Variants in RYR3 observed in about 807,000 individuals in gnomAD.
RYR3 encodes the protein brain ryanodine receptor-calcium release channel.
Under a neutral mutation model 584.3 loss-of-function variants are expected in RYR3, and 207 were observed. The observed-to-expected ratio is 0.35, with a 90% confidence interval of 0.32 to 0.40. RYR3 has a LOEUF of 0.40. Among genes scored for constraint, RYR3 ranks in the 10% least tolerant of loss-of-function variants. The pLI, the probability that RYR3 is intolerant of heterozygous loss-of-function variation, is 1.00. For missense variants in RYR3, 5,616 were observed against 6,089.2 expected, an observed-to-expected ratio of 0.92 and a Z score of 2.59; for synonymous variants, 2,416 against 2,248.5, an observed-to-expected ratio of 1.07 and a Z score of -2.11.
At chr15:33,399,309 G>A (rs2042487714) in intron 1 of RYR3, among the ~76,000 whole-genome samples, 1 of 152,156 alleles carries the variant, frequency 6.6e-6, no homozygotes, top group African/African-American at 2.4e-5. Context: ...TAGACTCGCT[G>A]AGCCAGAACC....
At chr15:33,748,074 G>T (rs746688387) in intron 53 of RYR3, 40 bp from the exon 54 acceptor site, 1 of 1,606,104 alleles carries the variant, frequency 6.2e-7, no homozygotes, top group African/African-American at 1.3e-5. Context: ...GAATGCTGGG[G>T]TGTGTTCTGC....
At chr15:33,474,940 T>C (rs1312572892) in intron 2 of RYR3, among the ~76,000 whole-genome samples, 2 of 152,216 alleles carry the variant, frequency 1.3e-5, no homozygotes, top group Admixed American at 1.3e-4. Flanking sequence ...CATTAAAATA[T>C]ATGGGATAGA....
chr15:33,531,661 G>A (rs530472398), intron 4 of RYR3, among the ~76,000 whole-genome samples: 1 of 150,530 alleles, frequency 6.6e-6, no homozygotes, highest in East Asian at 2.0e-4. Context: ...TTTTTTCTGA[G>A]CACTGGTAAG....
intron 38 of RYR3, among the ~76,000 whole-genome samples, chr15:33,678,229 G>A (rs536660821): frequency 9.2e-5 from 14 of 152,284 alleles, no homozygotes; most frequent in African/African-American, 3.4e-4. Flanking sequence ...ATCTCATGTC[G>A]AATTGTAATC....
intron 1 of RYR3, among the ~76,000 whole-genome samples, chr15:33,449,397 C>G (rs777827969): frequency 6.6e-5 from 10 of 152,268 alleles, no homozygotes; most frequent in Non-Finnish European, 1.3e-4. Context: ...CTCACAGTCT[C>G]CTTGTAACAT....
At chr15:33,863,748 TTTCAA>T (rs560305246) in intron 102 of RYR3, among the ~76,000 whole-genome samples, 43 of 152,356 alleles carry the variant, frequency 2.8e-4, no homozygotes, top group African/African-American at 9.6e-4. Context: ...ACATAATTAA[TTTCAA>T]TTCAATTCTA....
At chr15:33,826,137 T>G (rs2077367076) in intron 82 of RYR3, 115 bp from the exon 83 acceptor site, 1 of 1,013,520 alleles carries the variant, frequency 9.9e-7, no homozygotes, top group Non-Finnish European at 1.5e-6. Context: ...GTAGCTTTAA[T>G]AAAGCTATCA....
chr15:33,849,022 G>A (rs2078915314), intron 94 of RYR3: 1 of 152,380 alleles, frequency 6.6e-6, no homozygotes, highest in Non-Finnish European at 1.5e-5. Context: ...ATTTTCAGTA[G>A]AGACGGGGTT....
intron 76 of RYR3, among the ~76,000 whole-genome samples, chr15:33,819,310 A>G (rs1333490381): frequency 1.3e-5 from 2 of 152,320 alleles, no homozygotes; most frequent in Non-Finnish European, 2.9e-5. Context: ...GGGATTTTCT[A>G]ATTAATTCAC....
At chr15:33,736,436 C>T (rs556691609) in intron 49 of RYR3, 111 bp downstream of exon 49, 17 of 718,852 alleles carry the variant, frequency 2.4e-5, no homozygotes, top group Non-Finnish European at 3.8e-5. Flanking sequence ...ATGGGTTTTA[C>T]TCCCTTAAGT....
At chr15:33,807,518 C>T in intron 69 of RYR3, 37 bp from the exon 70 acceptor site, 2 of 1,550,782 alleles carry the variant, frequency 1.3e-6, no homozygotes, top group Non-Finnish European at 1.7e-6. Flanking sequence ...CTGACTGACT[C>T]TTCTCCTTGT....
chr15:33,425,922 A>C (rs34444482), intron 1 of RYR3, among the ~76,000 whole-genome samples: 1 of 152,130 alleles, frequency 6.6e-6, no homozygotes, highest in Non-Finnish European at 1.5e-5. Context: ...GATTACAGGC[A>C]TGAGCCACCG....
chr15:33,333,312 A>G (rs1970587714), intron 1 of RYR3, among the ~76,000 whole-genome samples: 1 of 152,190 alleles, frequency 6.6e-6, no homozygotes, highest in South Asian at 2.1e-4. Flanking sequence ...AAAATCCTCA[A>G]CAGTATACTG....
chr15:33,836,559 A>T (rs1189461908), intron 87 of RYR3, among the ~76,000 whole-genome samples: 2 of 152,200 alleles, frequency 1.3e-5, no homozygotes, highest in East Asian at 3.8e-4. Flanking sequence ...CTCACTGGTA[A>T]TTCTCCAGTG....
At chr15:33,600,678 G>A (rs2059616623) in intron 16 of RYR3, among the ~76,000 whole-genome samples, 2 of 152,122 alleles carry the variant, frequency 1.3e-5, no homozygotes, top group South Asian at 2.1e-4. Context: ...AGGAGAGCGG[G>A]TAAAATATTT....
At chr15:33,403,334 C>G (rs967741569) in intron 1 of RYR3, among the ~76,000 whole-genome samples, 12 of 152,140 alleles carry the variant, frequency 7.9e-5, no homozygotes, top group African/African-American at 2.7e-4. Flanking sequence ...CTTTGTGAAG[C>G]GGAGCAAATC....
intron 2 of RYR3, among the ~76,000 whole-genome samples, chr15:33,490,618 C>A (rs1315316558): frequency 6.6e-6 from 1 of 151,918 alleles, no homozygotes; most frequent in Admixed American, 6.6e-5. Context: ...AATTTAACTT[C>A]TTTTACCTAA....
At chr15:33,398,852 G>C (rs2042455069) in intron 1 of RYR3, among the ~76,000 whole-genome samples, 1 of 152,206 alleles carries the variant, frequency 6.6e-6, no homozygotes, top group Admixed American at 6.5e-5. Flanking sequence ...ATGGCGAGCT[G>C]AGCATGTCTC....
At chr15:33,737,816 CTG>C (rs929402482) in intron 49 of RYR3, among the ~76,000 whole-genome samples, 69 of 152,282 alleles carry the variant, frequency 4.5e-4, no homozygotes, top group African/African-American at 1.6e-3. Flanking sequence ...CCTCTCAAAT[CTG>C]TGGGATTTTT....
Sources: allele counts gnomAD v4.1 joint callset (sites outside exome capture counted in the v4.1 genomes callset), GRCh38; gene constraint gnomAD v4.1.1; transcripts MANE v1.5; gene names NCBI Gene and HGNC (gene_info 2026-07-23, HGNC 2026-07-21).